Variants in CSNK1G1 observed in about 807,000 individuals in gnomAD.
CSNK1G1 encodes casein kinase 1 gamma 1.
In CSNK1G1, 22 loss-of-function variants were observed where a neutral mutation model predicts 59.6. The observed-to-expected ratio is 0.37, with a 90% CI of 0.26 to 0.53. The LOEUF (loss-of-function observed/expected upper bound fraction) is 0.53. Ranked by LOEUF, CSNK1G1 falls within the 20% of genes least tolerant of loss-of-function variation. The pLI is 0.89. For synonymous variants in CSNK1G1, 179 were observed against 177.1 expected (o/e 1.01, Z -0.08); for missense variants, 384 against 519.5 (o/e 0.74, Z 2.54).
intron 1 of CSNK1G1, among the ~76,000 whole-genome samples, chr15:64,309,333 CACACACACACACACACACAAAT>C (rs746492244): frequency 2.0e-5 from 3 of 150,886 alleles, no homozygotes; most frequent in Non-Finnish European, 3.0e-5. Flanking sequence ...CACACACACA[CACACACACACACACACACAAAT>C]AAATGAGTTC....
chr15:64,244,994 C>G (rs1041408605), intron 4 of CSNK1G1, among the ~76,000 whole-genome samples: 6 of 152,000 alleles, frequency 3.9e-5, no homozygotes, highest in African/African-American at 1.5e-4. Context: ...TATTTGGAAC[C>G]AGCTAATTTT....
At chr15:64,195,732 T>A (rs1218782559) in intron 10 of CSNK1G1, among the ~76,000 whole-genome samples, 1 of 152,202 alleles carries the variant, frequency 6.6e-6, no homozygotes, top group Non-Finnish European at 1.5e-5. Flanking sequence ...CGGATTGTAA[T>A]ACGCAGTTCT....
Position 64,188,972 on chromosome 15 carries a change from A to C in CSNK1G1, c.1108-8518T>G, listed in dbSNP as rs545392056. Among the ~76,000 whole-genome samples, 1 of 152,256 alleles carries C rather than the reference A, an allele frequency of 6.6e-6. No homozygotes were observed. Among genetic ancestry groups the C allele is most frequent in the South Asian group, 2.1e-4 (1 of 4,826 alleles). On this transcript the variant is annotated intron_variant, in intron 10 of 11. Coordinates refer to ENST00000303052, the MANE Select transcript of CSNK1G1 (RefSeq NM_022048.5). The surrounding 1 kb of genome is among the most constrained non-coding windows in gnomAD (Gnocchi z 4.2). The stretch of plus-strand genomic sequence containing the variant: ...GAAAGCCTGTCTCTACTAAAATTAC[A>C]AAAATGAGCTGGGCATGGTGGCGCA...
chr15:64,226,504 C>A (rs919640679), intron 4 of CSNK1G1, among the ~76,000 whole-genome samples: 1 of 151,174 alleles, frequency 6.6e-6, no homozygotes, highest in Non-Finnish European at 1.5e-5. Flanking sequence ...TGCAGTGAGC[C>A]AAGATCGCAA....
chr15:64,166,082 T>TAAAAA lies in CSNK1G1; in HGVS notation c.*5844_*5848dup. ...CAGGGTTTATGAAACATTATACATC[T>TAAAAA]AAAAAAAAAAAAAGTAAAAAAAGAG... On this transcript the variant is annotated 3_prime_UTR_variant, in exon 12 of 12. Coordinates refer to ENST00000303052, the MANE Select transcript of CSNK1G1 (RefSeq NM_022048.5). The surrounding 1 kb of genome is among the most constrained non-coding windows in gnomAD (Gnocchi z 4.5). The TAAAAA allele has an allele frequency of 1.9e-6, 1 of 535,600 alleles. No homozygotes were observed. 33.2% of individuals were successfully genotyped at this position (535,600 alleles called of 1,614,324 possible).
chr15:64,216,539 C>G lies in CSNK1G1; in HGVS notation c.444+23G>C, dbSNP rs1466119763. 1.2e-6 allele frequency: 2 copies of G among 1,612,522 alleles called. No individual in the cohort carries two copies. The highest frequency in any genetic ancestry group is 1.7e-5 in the Admixed American group (1 of 60,010). ...GGCTGAGGAACCAGCTTATTCTCTT[C>G]TAGAAGAGCAATTCCAACTTACCAG... On this transcript the variant is annotated intron_variant, in intron 5 of 11. Transcript: ENST00000303052. This position sits in a 1 kb window ranked among gnomAD's most constrained non-coding sequence, Gnocchi z 4.6.
chr15:64,294,218 G>A (rs1046627741), intron 2 of CSNK1G1, among the ~76,000 whole-genome samples: 1 of 151,898 alleles, frequency 6.6e-6, no homozygotes, highest in African/African-American at 2.4e-5. Flanking sequence ...GATTACAGGC[G>A]TCCGTCACCA....
chr15:64,278,157 C>T (rs2140361480), intron 2 of CSNK1G1, among the ~76,000 whole-genome samples: 1 of 150,328 alleles, frequency 6.7e-6, no homozygotes, highest in East Asian at 2.0e-4. Context: ...AGCAATTCTC[C>T]CACCTCGGCC....
At chr15:64,334,173 C>T (rs142227708) in intron 1 of CSNK1G1, among the ~76,000 whole-genome samples, 1,892 of 152,296 alleles carry the variant, frequency 0.012, 28 homozygotes, top group African/African-American at 0.044. Context: ...CTGACCACCA[C>T]GCCCAGCTAA....
intron 1 of CSNK1G1, among the ~76,000 whole-genome samples, chr15:64,350,413 A>G (rs1223488015): frequency 6.6e-6 from 1 of 152,084 alleles, no homozygotes. Context: ...AGGCAGGAGA[A>G]TGGCGTGAAC....
chr15:64,252,047 G>A (rs1251023226), intron 3 of CSNK1G1, among the ~76,000 whole-genome samples: 1 of 151,874 alleles, frequency 6.6e-6, no homozygotes, highest in East Asian at 1.9e-4. Context: ...CTGTGATCCT[G>A]TCACTTTAAA....
chr15:64,315,173 GT>G (rs1566944528), intron 1 of CSNK1G1, among the ~76,000 whole-genome samples: 1 of 152,176 alleles, frequency 6.6e-6, no homozygotes, highest in Non-Finnish European at 1.5e-5. Flanking sequence ...CTTGTACACT[GT>G]TGTGAAAACA....
At chr15:64,220,615 G>A (rs2140275223) in intron 4 of CSNK1G1, among the ~76,000 whole-genome samples, 1 of 151,988 alleles carries the variant, frequency 6.6e-6, no homozygotes, top group South Asian at 2.1e-4. Context: ...TCTTGCCTCA[G>A]CCTCCTGAGT....
intron 10 of CSNK1G1, among the ~76,000 whole-genome samples, chr15:64,187,535 T>A (rs893958247): frequency 6.6e-6 from 1 of 152,210 alleles, no homozygotes; most frequent in Non-Finnish European, 1.5e-5. Context: ...TATGTGGTTT[T>A]CTATAGGGCC....
At chr15:64,278,676 C>T (rs1226085916) in intron 2 of CSNK1G1, among the ~76,000 whole-genome samples, 2 of 152,122 alleles carry the variant, frequency 1.3e-5, no homozygotes, top group Admixed American at 6.6e-5. Context: ...ATCTGCCCGC[C>T]TTGGCCTCCC....
intron 4 of CSNK1G1, among the ~76,000 whole-genome samples, chr15:64,246,033 G>C (rs763391021): frequency 6.6e-6 from 1 of 152,134 alleles, no homozygotes; most frequent in Non-Finnish European, 1.5e-5. Flanking sequence ...GCACAGCAGA[G>C]TGACTATAGT....
At chr15:64,308,143 A>T (rs886533627) in intron 1 of CSNK1G1, among the ~76,000 whole-genome samples, 15 of 152,162 alleles carry the variant, frequency 9.9e-5, no homozygotes, top group Admixed American at 6.5e-5. Flanking sequence ...CTACAACTAA[A>T]AAGTAAATTA....
chr15:64,177,247 A>G (rs2081751887), intron 11 of CSNK1G1, among the ~76,000 whole-genome samples: 1 of 152,160 alleles, frequency 6.6e-6, no homozygotes, highest in African/African-American at 2.4e-5. Flanking sequence ...CAATATAAGC[A>G]TCATCCCCTT....
Position 64,169,118 on chromosome 15 carries a change from G to C in CSNK1G1, c.*2813C>G, listed in dbSNP as rs1165168423. 1 of 152,760 alleles carries C rather than the reference G, an allele frequency of 6.5e-6. No homozygotes were observed. Among genetic ancestry groups the C allele is most frequent in the African/African-American group, 2.4e-5 (1 of 41,544 alleles). The allele number at this position is 152,760 out of a possible 1,614,324, so 9.5% of individuals were successfully genotyped here. ...GCTTGCCCTGCAGCCAAGCTGGTCA[G>C]TGCCTTTGCTTTTGTGTGTGTGTGT... On this transcript the variant is annotated 3_prime_UTR_variant, in exon 12 of 12. Coordinates refer to ENST00000303052, the MANE Select transcript of CSNK1G1 (RefSeq NM_022048.5).
Sources: gnomAD v4.1 joint callset for allele counts (sites outside exome capture counted in the v4.1 genomes callset) on GRCh38, gnomAD v4.1.1 for gene constraint, Gnocchi (gnomAD v3.1) non-coding constraint, MANE v1.5 for transcripts, NCBI Gene and HGNC (gene_info 2026-07-23, HGNC 2026-07-21) for gene names.